FNDC3A: variants seen among roughly 807,000 people sequenced by gnomAD.
FNDC3A encodes the protein fibronectin type III domain containing 3A.
A neutral mutation model predicts 148.9 loss-of-function variants in FNDC3A; 32 were observed. That is an observed-to-expected ratio of 0.21 (90% confidence interval 0.16 to 0.29). The LOEUF (loss-of-function observed/expected upper bound fraction) is 0.29, where lower values mean the gene tolerates loss of function less well. FNDC3A is among the 10% of genes least tolerant of loss of function. The pLI, the probability that FNDC3A is intolerant of heterozygous loss-of-function variation, is 1.00. For missense variants in FNDC3A, 1,191 were observed against 1,452.8 expected (o/e 0.82, Z 2.93); for synonymous variants, 472 against 473.6 (o/e 1.00, Z 0.04).
At chr13:49,064,677 A>G (rs1877142213) in intron 2 of FNDC3A, among the ~76,000 whole-genome samples, 1 of 152,128 alleles carries the variant, frequency 6.6e-6, no homozygotes, top group Non-Finnish European at 1.5e-5. Context: ...CACAGGTTGC[A>G]TGTAATGATA....
chr13:49,015,142 A>AT (rs1471041302), intron 2 of FNDC3A, among the ~76,000 whole-genome samples: 1 of 152,166 alleles, frequency 6.6e-6, no homozygotes, highest in African/African-American at 2.4e-5. Context: ...GAAGAAAGTC[A>AT]TTGGTAGCTT....
At chr13:48,997,728 C>T (rs764364612) in intron 1 of FNDC3A, among the ~76,000 whole-genome samples, 2 of 152,142 alleles carry the variant, frequency 1.3e-5, no homozygotes, top group Non-Finnish European at 2.9e-5. Context: ...AAAATTATGT[C>T]TGTTGTTTAA....
intron 8 of FNDC3A, among the ~76,000 whole-genome samples, chr13:49,159,114 G>T (rs1883919636): frequency 6.6e-6 from 1 of 152,110 alleles, no homozygotes; most frequent in African/African-American, 2.4e-5. Context: ...CTCTTTTTTG[G>T]TTCCATATGA....
chr13:49,122,720 C>T (rs1401845807), intron 4 of FNDC3A, among the ~76,000 whole-genome samples: 1 of 152,020 alleles, frequency 6.6e-6, no homozygotes, highest in East Asian at 1.9e-4. Flanking sequence ...AAACAGAGAG[C>T]CAAATCATGA....
chr13:49,160,347 G>A (rs966887950), intron 8 of FNDC3A, among the ~76,000 whole-genome samples: 7 of 152,170 alleles, frequency 4.6e-5, no homozygotes, highest in African/African-American at 1.4e-4. Context: ...TTAGTCTTGG[G>A]AGGGTGTATG....
At chr13:49,107,920 A>T (rs78124142) in intron 3 of FNDC3A, among the ~76,000 whole-genome samples, 2,836 of 152,100 alleles carry the variant, frequency 0.019, 92 homozygotes, top group African/African-American at 0.063. Flanking sequence ...GAACTTGGAG[A>T]TTTTCAGGAG....
chr13:49,034,789 G>T lies in FNDC3A; in HGVS notation c.99+28500G>T, dbSNP rs188893768. Among the ~76,000 whole-genome samples, 5 of 152,090 alleles carry T rather than the reference G, an allele frequency of 3.3e-5. No homozygotes were observed. The East Asian group carries it at 7.7e-4, about 23-fold the overall frequency. ...TGGAAGCATTACATGTTAAGGGGGT[G>T]CATGTTATTGCTCAAATATAAGCCA... On this transcript the variant is annotated intron_variant, in intron 2 of 25. Coordinates refer to ENST00000492622, the MANE Select transcript of FNDC3A (RefSeq NM_001079673.2).
intron 14 of FNDC3A, 69 bp from the exon 15 acceptor site, chr13:49,185,895 C>A: frequency 8.0e-7 from 1 of 1,244,230 alleles, no homozygotes; most frequent in Non-Finnish European, 1.1e-6. Flanking sequence ...TCTCCTATCA[C>A]TTTGTTTATT....
chr13:49,003,770 A>T (rs996273953), intron 1 of FNDC3A, among the ~76,000 whole-genome samples: 14 of 152,182 alleles, frequency 9.2e-5, no homozygotes, highest in African/African-American at 3.4e-4. Flanking sequence ...ACCAAAAAAA[A>T]AGTTGCAAGA....
chr13:49,014,813 A>C (rs1334783533), intron 2 of FNDC3A, among the ~76,000 whole-genome samples: 5 of 140,420 alleles, frequency 3.6e-5, no homozygotes, highest in African/African-American at 1.1e-4. Context: ...AGCTTTCTAC[A>C]TATGGCTAGC....
chr13:49,024,789 G>T (rs1873579131), intron 2 of FNDC3A, among the ~76,000 whole-genome samples: 1 of 151,902 alleles, frequency 6.6e-6, no homozygotes, highest in Non-Finnish European at 1.5e-5. Flanking sequence ...TGCTGAATGG[G>T]GAAAAGCCGA....
intron 11 of FNDC3A, among the ~76,000 whole-genome samples, 191 bp from the exon 12 acceptor site, chr13:49,174,231 TACAAAGATACCTG>T (rs911338670): frequency 1.3e-5 from 2 of 152,314 alleles, no homozygotes; most frequent in African/African-American, 4.8e-5. Flanking sequence ...CAAGAAGCTG[TACAAAGATACCTG>T]CTCTCTGGTG....
chr13:49,204,410 G>A (rs1886555783), intron 25 of FNDC3A, among the ~76,000 whole-genome samples: 1 of 151,880 alleles, frequency 6.6e-6, no homozygotes, highest in Non-Finnish European at 1.5e-5. Flanking sequence ...CTAAAAAAAA[G>A]ATCCTTCATT....
chr13:49,117,249 G>A (rs189645272), intron 4 of FNDC3A, among the ~76,000 whole-genome samples: 35 of 152,214 alleles, frequency 2.3e-4, no homozygotes, highest in South Asian at 1.2e-3. Flanking sequence ...GCCTGTAGCC[G>A]GCTTGTACAC....
At chr13:49,008,684 T>C (rs180709161) in intron 2 of FNDC3A, among the ~76,000 whole-genome samples, 237 of 152,286 alleles carry the variant, frequency 1.6e-3, no homozygotes, top group Admixed American at 2.8e-3. Flanking sequence ...CAGTGGGTCT[T>C]TGGCTTGTGA....
chr13:49,177,702 TAA>T (rs1296614144), intron 13 of FNDC3A, among the ~76,000 whole-genome samples: 1 of 152,136 alleles, frequency 6.6e-6, no homozygotes, highest in African/African-American at 2.4e-5. Context: ...TTTTCAGCCA[TAA>T]AAAGAGTACC....
rs35534890 is a variant in FNDC3A at position 49,060,643 on chromosome 13, C to CA, written c.100-14620dup. On this transcript the variant is annotated intron_variant, in intron 2 of 25. Coordinates refer to ENST00000492622, the MANE Select transcript of FNDC3A (RefSeq NM_001079673.2). ...TGGGCGACAGAACGAGACTCGGTCTCAAAAAAAAAAAAAAAAAAAAAAAAA... is the reference window on the plus strand; with the variant it reads ...TGGGCGACAGAACGAGACTCGGTCTCAAAAAAAAAAAAAAAAAAAAAAAAAA... Among the ~76,000 whole-genome samples the CA allele has an allele frequency of 2.2e-3, 132 of 59,726 alleles. 10 individuals carry two copies. The highest frequency in any genetic ancestry group is 0.012 in the Middle Eastern group (1 of 86). The allele number at this position is 59,726 out of a possible 152,430, so 39.2% of individuals were successfully genotyped here.
chr13:49,050,029 CT>C (rs1199381246), intron 2 of FNDC3A, among the ~76,000 whole-genome samples: 1 of 152,122 alleles, frequency 6.6e-6, no homozygotes, highest in East Asian at 1.9e-4. Flanking sequence ...CTTCTCTCTT[CT>C]TTTCTTGGTT....
intron 3 of FNDC3A, among the ~76,000 whole-genome samples, chr13:49,080,083 A>C (rs948672760): frequency 6.6e-6 from 1 of 152,228 alleles, no homozygotes; most frequent in Non-Finnish European, 1.5e-5. Flanking sequence ...AGGCATGGAC[A>C]ATTGTACCTG....
Sources: allele counts gnomAD v4.1 joint callset (sites outside exome capture counted in the v4.1 genomes callset), GRCh38; gene constraint gnomAD v4.1.1; transcripts MANE v1.5; gene names NCBI Gene and HGNC (gene_info 2026-07-23, HGNC 2026-07-21).